The following SF3B2 variants were observed in gnomAD, a reference collection of about 807,000 sequenced individuals.
SF3B2 encodes splicing factor 3b subunit 2, also known as SAP 145.
SF3B2 carries 22 observed loss-of-function variants against 116.3 expected under a neutral mutation model. That is an observed-to-expected ratio of 0.19 (90% confidence interval 0.14 to 0.27). SF3B2 has a LOEUF of 0.27. SF3B2 is among the 10% of genes least tolerant of loss of function. SF3B2 has a pLI of 1.00. For synonymous variants in SF3B2, 406 were observed against 421.6 expected (o/e 0.96, Z 0.45); for missense variants, 767 against 1,151.4 (o/e 0.67, Z 4.83).
intron 21 of SF3B2, 156 bp from the exon 22 acceptor site, chr11:66,068,518 A>G: frequency 2.4e-6 from 2 of 833,182 alleles, no homozygotes; most frequent in East Asian, 2.7e-5. Context: ...GATGAGGGGG[A>G]GGAACTCAGC....
At position 66,059,998 on chromosome 11, in the gene SF3B2, C is replaced by G; in HGVS notation, c.1618C>G (p.Leu540Val). Residue 540 changes from leucine (L) to valine (V), a missense_variant, in exon 13 of 22, where the codon CTG (leucine) becomes GTG (valine). Leu to Val is a conservative substitution (Grantham distance 32, BLOSUM62 1). Coordinates refer to ENST00000322535, the MANE Select transcript of SF3B2 (RefSeq NM_006842.3). The surrounding 1 kb of genome is among the most constrained non-coding windows in gnomAD (Gnocchi z 5.0). Reference sequence around the variant, plus strand: ...AGGCATCCAGGAGATGCGAGAGGCCCTGCAGGAGAAGGTGAGGGCCTGGCA... The same window carrying G: ...AGGCATCCAGGAGATGCGAGAGGCCGTGCAGGAGAAGGTGAGGGCCTGGCA... ...RTGIQEMREA[L>V]QEKEEQKTMK... is the part of the protein sequence containing the mutation. 6.2e-7 allele frequency: 1 copy of G among 1,613,906 alleles called. No individual in the cohort carries two copies. Among genetic ancestry groups the G allele is most frequent in the Non-Finnish European group, 8.5e-7 (1 of 1,179,976 alleles).
chr11:66,052,893 T>A (rs922580747), intron 2 of SF3B2, 134 bp from the exon 3 acceptor site: 17 of 1,219,252 alleles, frequency 1.4e-5, no homozygotes, highest in Non-Finnish European at 2.0e-5. Flanking sequence ...TGTATCCATC[T>A]TGGTCCTCTT....
chr11:66,068,644 C>G (rs1370054683), intron 21 of SF3B2, 30 bp from the exon 22 acceptor site: 1 of 1,610,562 alleles, frequency 6.2e-7, no homozygotes, highest in Non-Finnish European at 8.5e-7. Flanking sequence ...TTCAACCTGT[C>G]TTAACCTGTG....
Position 66,063,435 on chromosome 11 carries a change from T to C in SF3B2, c.2121T>C (p.Pro707=), listed in dbSNP as rs758182864. 5 of 1,613,942 alleles carry C rather than the reference T, an allele frequency of 3.1e-6. No individual in the cohort carries two copies. The African/African-American group carries it at 6.7e-5, about 22-fold the overall frequency. Residue 707 remains proline (P), a synonymous_variant, in exon 18 of 22, where the codon CCT becomes CCC. Transcript: ENST00000322535. The part of the protein sequence containing the change: ...KTEEEEIDRT[P]WGELEPSDEE... ...AGGAAGAAGAGATTGATCGGACCCC[T>C]TGGGGGGAACTGGAACCATCTGATG...
chr11:66,063,559 A>C lies in SF3B2; in HGVS notation c.2228+17A>C. ...TGCAGACAGGTGGGGGAAGCAGAGAATGCCTCTTGGAAGTGGGCTATCTTT... is the reference window on the plus strand; with the variant it reads ...TGCAGACAGGTGGGGGAAGCAGAGACTGCCTCTTGGAAGTGGGCTATCTTT... On this transcript the variant is annotated intron_variant, in intron 18 of 21. Coordinates refer to ENST00000322535, the MANE Select transcript of SF3B2 (RefSeq NM_006842.3). 1 of 1,612,222 alleles carries C rather than the reference A, an allele frequency of 6.2e-7. No homozygotes were observed.
intron 6 of SF3B2, 53 bp downstream of exon 6, chr11:66,057,008 A>T: frequency 7.4e-7 from 1 of 1,344,852 alleles, no homozygotes. Flanking sequence ...AGACATTTTT[A>T]AAAAGACTTT....
intron 13 of SF3B2, 147 bp downstream of exon 13, chr11:66,060,156 C>T: frequency 1.3e-6 from 1 of 746,612 alleles, no homozygotes; most frequent in South Asian, 1.8e-5. Flanking sequence ...CTCTGCTCTT[C>T]CTCCCCTCTG....
rs571412771 is a variant in SF3B2, at chr11:66,067,938, C to G, written c.2331-8C>G. The G allele has an allele frequency of 6.2e-6, 10 of 1,611,602 alleles. No homozygotes were observed. The highest frequency in any genetic ancestry group is 8.5e-6 in the Non-Finnish European group (10 of 1,179,004). On this transcript the variant is annotated splice_polypyrimidine_tract_variant and splice_region_variant and intron_variant, in intron 19 of 21. Coordinates refer to ENST00000322535, the MANE Select transcript of SF3B2 (RefSeq NM_006842.3). ...GCTTTTTGGGCCTGATCCCATTGTC[C>G]TTCGCAGAAGTGAGACACCTCAGCT... is the stretch of plus-strand genomic sequence containing the variant.
At position 66,058,838 on chromosome 11, in the gene SF3B2, G is replaced by A. The variant is rs1172605660; in HGVS notation, c.975G>A (p.Arg325=). The A allele has an allele frequency of 8.1e-6, 13 of 1,609,198 alleles. No individual in the cohort carries two copies. Among genetic ancestry groups the A allele is most frequent in the Non-Finnish European group, 1.1e-5 (13 of 1,178,536 alleles). ...TVSVSKKEKN[R]KRRNRKKKKK... is the part of the protein sequence containing the mutation. ...TTTCCTCCTCTTGACAGAAAAACCG[G>A]AAGCGTAGGAACCGAAAGAAGAAGA... Residue 325 remains arginine (R), a synonymous_variant, in exon 10 of 22, where the codon CGG becomes CGA. Transcript: ENST00000322535.
intron 21 of SF3B2, 51 bp from the exon 22 acceptor site, chr11:66,068,623 T>C: frequency 6.5e-7 from 1 of 1,531,532 alleles, no homozygotes; most frequent in Non-Finnish European, 9.0e-7. Context: ...GTTTTGGGGG[T>C]CCGGGGGTGG....
At chr11:66,054,489 A>G (rs1466545858) in intron 3 of SF3B2, among the ~76,000 whole-genome samples, 2 of 151,916 alleles carry the variant, frequency 1.3e-5, no homozygotes, top group African/African-American at 4.8e-5. Context: ...AAAAAAAAAA[A>G]AAAATACAGC....
chr11:66,056,970 C>G lies in SF3B2; in HGVS notation c.667+15C>G. 6.3e-7 allele frequency: 1 copy of G among 1,578,410 alleles called. No homozygotes were observed. The highest frequency in any genetic ancestry group is 8.7e-7 in the Non-Finnish European group (1 of 1,147,648). On this transcript the variant is annotated intron_variant, in intron 6 of 21. Coordinates refer to ENST00000322535, the MANE Select transcript of SF3B2 (RefSeq NM_006842.3). ...GGGTCCTCGAGGTGAGACCCTGGAA[C>G]CGAGGGGAAGGGCAAGGAAGGTGAT...
At chr11:66,055,813 T>A in intron 5 of SF3B2, 1 of 514,126 alleles carries the variant, frequency 1.9e-6, no homozygotes, top group Non-Finnish European at 3.4e-6. Flanking sequence ...TAAAATTTTT[T>A]AAGGGTTATA....
intron 19 of SF3B2, chr11:66,065,665 TTCTC>T (rs930736024): frequency 2.6e-5 from 4 of 152,264 alleles, no homozygotes; most frequent in South Asian, 2.1e-4. Flanking sequence ...AAAGAAATTC[TTCTC>T]TCTTTGTATT....
At chr11:66,052,877 A>T in intron 2 of SF3B2, 150 bp from the exon 3 acceptor site, 5 of 1,196,952 alleles carry the variant, frequency 4.2e-6, no homozygotes, top group Non-Finnish European at 4.8e-6. Context: ...CTTAGTTGTA[A>T]TTTCTTGTAT....
intron 21 of SF3B2, 139 bp from the exon 22 acceptor site, chr11:66,068,535 T>A: frequency 1.2e-6 from 1 of 865,346 alleles, no homozygotes; most frequent in Non-Finnish European, 1.8e-6. Context: ...CAGCCAAGTC[T>A]GAGAGGGAGC....
In SF3B2 at chr11:66,059,568, C is replaced by T; in HGVS notation, c.1374C>T (p.Asn458=). ...KLSKKKLRRM[N]RFTVAELKQL... The stretch of plus-strand genomic sequence containing the variant: ...CCAAGAAGAAGTTGCGCCGAATGAA[C>T]CGCTTCACTGTGGCTGAACTCAAGC... Residue 458 remains asparagine (N), a synonymous_variant, in exon 12 of 22, where the codon AAC becomes AAT. Transcript: ENST00000322535. The surrounding 1 kb of genome is among the most constrained non-coding windows in gnomAD (Gnocchi z 5.0). The T allele has an allele frequency of 1.2e-6, 2 of 1,614,034 alleles. No homozygotes were observed. The highest frequency in any genetic ancestry group is 1.3e-5 in the African/African-American group (1 of 74,996).
chr11:66,052,364 G>T lies in SF3B2; in HGVS notation c.-21G>T. Reference sequence around the variant, plus strand: ...GCTGGCCCCAGCTTCCGGGTTGGTCGCGCGCCTTCCTGCGGCTAAGATGGC... The same window carrying T: ...GCTGGCCCCAGCTTCCGGGTTGGTCTCGCGCCTTCCTGCGGCTAAGATGGC... On this transcript the variant is annotated 5_prime_UTR_variant, in exon 1 of 22. Transcript: ENST00000322535. 3.7e-6 allele frequency: 6 copies of T among 1,604,314 alleles called. No individual in the cohort carries two copies. Among genetic ancestry groups the T allele is most frequent in the Non-Finnish European group, 5.1e-6 (6 of 1,175,652 alleles).
chr11:66,053,860 A>G (rs1272092738), intron 3 of SF3B2: 1 of 151,496 alleles, frequency 6.6e-6, no homozygotes, highest in Non-Finnish European at 1.5e-5. Flanking sequence ...AAAACTTACA[A>G]TAAAATAAAA....
Sources: gnomAD v4.1 joint callset for allele counts (sites outside exome capture counted in the v4.1 genomes callset) on GRCh38, gnomAD v4.1.1 for gene constraint, Gnocchi (gnomAD v3.1) non-coding constraint, MANE v1.5 for transcripts, NCBI Gene and HGNC (gene_info 2026-07-23, HGNC 2026-07-21) for gene names.